AFG2A: variants seen among roughly 807,000 people sequenced by gnomAD.
AFG2A encodes ATPase family gene 2 protein homolog A.
the AFG2A span, among the ~76,000 whole-genome samples, chr4:123,170,676 T>C: frequency 6.6e-6 from 1 of 152,202 alleles, no homozygotes; most frequent in Non-Finnish European, 1.5e-5. Flanking sequence ...GACATCGTAT[T>C]AATATTTAGT....
chr4:123,028,437 C>T, the AFG2A span: 2 of 1,518,132 alleles, frequency 1.3e-6, no homozygotes, highest in African/African-American at 1.4e-5. Context: ...CTCTTGGCCT[C>T]CCCCAACCCC....
the AFG2A span, among the ~76,000 whole-genome samples, chr4:123,185,885 C>T: frequency 6.6e-6 from 1 of 150,584 alleles, no homozygotes; most frequent in Non-Finnish European, 1.5e-5. Flanking sequence ...AGCGAGACTC[C>T]GTCTAAAAAA....
At chr4:122,923,287 A>G in the AFG2A span, 2 of 1,613,918 alleles carry the variant, frequency 1.2e-6, no homozygotes, top group Non-Finnish European at 1.7e-6. Context: ...TCTGACGGTG[A>G]CCAACTTATT....
chr4:122,945,418 G>A, the AFG2A span, among the ~76,000 whole-genome samples: 1 of 152,202 alleles, frequency 6.6e-6, no homozygotes, highest in Non-Finnish European at 1.5e-5. Flanking sequence ...AGCAATCAGC[G>A]AGACTCCGTG....
At chr4:123,097,033 A>AGTG in the AFG2A span, among the ~76,000 whole-genome samples, 1 of 152,054 alleles carries the variant, frequency 6.6e-6, no homozygotes, top group Non-Finnish European at 1.5e-5. Context: ...GTCTATTCAC[A>AGTG]GATCATTAAG....
chr4:123,257,299 A>G, the AFG2A span, among the ~76,000 whole-genome samples: 1 of 152,358 alleles, frequency 6.6e-6, no homozygotes, highest in Admixed American at 6.5e-5. Flanking sequence ...GGGCTTTACA[A>G]TGGTGCAAAA....
chr4:123,257,311 T>C, the AFG2A span, among the ~76,000 whole-genome samples: 156 of 152,284 alleles, frequency 1.0e-3, no homozygotes, highest in South Asian at 4.2e-4. Context: ...GGTGCAAAAG[T>C]GGTACACACT....
At chr4:123,119,491 A>G in the AFG2A span, among the ~76,000 whole-genome samples, 1,521 of 152,250 alleles carry the variant, frequency 1.0e-2, 25 homozygotes, top group African/African-American at 0.035. Context: ...CCAGTCTCCT[A>G]ACTTTCTCTT....
the AFG2A span, among the ~76,000 whole-genome samples, chr4:123,213,233 A>C: frequency 6.6e-6 from 1 of 152,170 alleles, no homozygotes; most frequent in East Asian, 1.9e-4. Flanking sequence ...GTACAAGCTA[A>C]AGCTAAACCA....
chr4:122,937,745 A>G, the AFG2A span, among the ~76,000 whole-genome samples: 1 of 152,172 alleles, frequency 6.6e-6, no homozygotes, highest in Non-Finnish European at 1.5e-5. Flanking sequence ...ATAACAGGGC[A>G]TTTCTAGTTT....
At chr4:123,190,063 G>A in the AFG2A span, among the ~76,000 whole-genome samples, 1 of 151,948 alleles carries the variant, frequency 6.6e-6, no homozygotes, top group African/African-American at 2.4e-5. Context: ...GCCTCCCAAA[G>A]TGCTGGGATT....
chr4:123,105,086 A>G, the AFG2A span, among the ~76,000 whole-genome samples: 1 of 152,224 alleles, frequency 6.6e-6, no homozygotes, highest in African/African-American at 2.4e-5. Flanking sequence ...GCCTGGCTTC[A>G]CGCTTCAAAG....
At chr4:122,997,507 G>A in the AFG2A span, among the ~76,000 whole-genome samples, 3 of 152,202 alleles carry the variant, frequency 2.0e-5, no homozygotes, top group Non-Finnish European at 2.9e-5. Flanking sequence ...ATTCCATTGT[G>A]TTGATATAGC....
chr4:123,157,480 A>G, the AFG2A span, among the ~76,000 whole-genome samples: 2 of 152,160 alleles, frequency 1.3e-5, no homozygotes, highest in Non-Finnish European at 2.9e-5. Flanking sequence ...TATTGCATTC[A>G]TGTTTTATCT....
chr4:123,275,790 C>T, the AFG2A span, among the ~76,000 whole-genome samples: 1 of 152,116 alleles, frequency 6.6e-6, no homozygotes, highest in African/African-American at 2.4e-5. Flanking sequence ...ATAATGGCCT[C>T]CAGCTTCATC....
the AFG2A span, among the ~76,000 whole-genome samples, chr4:123,073,339 C>T: frequency 1.3e-5 from 2 of 151,766 alleles, no homozygotes; most frequent in Non-Finnish European, 2.9e-5. Context: ...AAATCATTGA[C>T]AAAAATGATG....
At chr4:122,980,421 G>A in the AFG2A span, among the ~76,000 whole-genome samples, 568 of 152,266 alleles carry the variant, frequency 3.7e-3, 2 homozygotes, top group Non-Finnish European at 6.2e-3. Flanking sequence ...GGGACACTTA[G>A]ATTGATTCCC....
chr4:123,128,914 A>G, the AFG2A span, among the ~76,000 whole-genome samples: 242 of 152,296 alleles, frequency 1.6e-3, no homozygotes, highest in African/African-American at 5.2e-3. Context: ...AGAGTCTCCA[A>G]ATACAAGGTT....
At chr4:122,965,931 T>C in the AFG2A span, among the ~76,000 whole-genome samples, 3 of 152,188 alleles carry the variant, frequency 2.0e-5, no homozygotes, top group Non-Finnish European at 4.4e-5. Context: ...ACAAAATACA[T>C]TTTAATCTTT....
Sources: allele counts gnomAD v4.1 joint callset (sites outside exome capture counted in the v4.1 genomes callset), GRCh38; gene constraint gnomAD v4.1.1; transcripts MANE v1.5; gene names NCBI Gene and HGNC (gene_info 2026-07-23, HGNC 2026-07-21).